The following ACSL3 variants were observed in gnomAD, a reference collection of about 807,000 sequenced individuals.
ACSL3 encodes acyl-CoA synthetase long chain family member 3, also known as fatty acid CoA ligase Acsl3.
Under a neutral mutation model 84.7 loss-of-function variants are expected in ACSL3, and 34 were observed. That is an observed-to-expected ratio of 0.40 (90% CI 0.31 to 0.53). ACSL3 has a LOEUF of 0.53. ACSL3 is among the 20% of genes least tolerant of loss of function. ACSL3 has a pLI of 0.48. For missense variants in ACSL3, 680 were observed against 873.1 expected (o/e 0.78, Z 2.79); for synonymous variants, 315 against 299.4 (o/e 1.05, Z -0.54).
intron 2 of ACSL3, among the ~76,000 whole-genome samples, chr2:222,899,168 GT>G (rs1486492726): frequency 3.3e-5 from 5 of 152,292 alleles, no homozygotes; most frequent in Admixed American, 3.3e-4. Context: ...GAGACTGATA[GT>G]TTAACCTTTG....
intron 16 of ACSL3, 44 bp downstream of exon 16, chr2:222,934,731 A>G: frequency 6.3e-7 from 1 of 1,587,370 alleles, no homozygotes; most frequent in African/African-American, 1.4e-5. Context: ...AGATGGGAAG[A>G]GAGTACTTAC....
chr2:222,868,969 CAA>C (rs113574316), intron 1 of ACSL3, among the ~76,000 whole-genome samples: 37 of 114,728 alleles, frequency 3.2e-4, no homozygotes, highest in Admixed American at 5.6e-4. Flanking sequence ...GACGCTGTCT[CAA>C]AAAAAAAAAA....
intron 11 of ACSL3, 85 bp from the exon 12 acceptor site, chr2:222,926,932 T>C: frequency 7.0e-7 from 1 of 1,426,732 alleles, no homozygotes; most frequent in Admixed American, 2.0e-5. Flanking sequence ...AAATCTCTCA[T>C]ATCAAAACTG....
At chr2:222,905,788 T>C (rs1296769651) in intron 3 of ACSL3, among the ~76,000 whole-genome samples, 1 of 152,130 alleles carries the variant, frequency 6.6e-6, no homozygotes, top group Admixed American at 6.5e-5. Context: ...CAGCTGTGCA[T>C]GAGCAAATTT....
chr2:222,918,003 T>C (rs1380977120), intron 5 of ACSL3, 43 bp from the exon 6 acceptor site: 5 of 1,374,402 alleles, frequency 3.6e-6, no homozygotes, highest in Non-Finnish European at 5.2e-6. Flanking sequence ...ACATTTGTAG[T>C]TAAATGTTTG....
At chr2:222,861,336 A>AGGGGCTCCCCAGCCTC (rs1472658352) in intron 1 of ACSL3, 78 bp downstream of exon 1, 7 of 151,562 alleles carry the variant, frequency 4.6e-5, no homozygotes, top group Non-Finnish European at 1.0e-4. Context: ...GCTGGGCCCG[A>AGGGGCTCCCCAGCCTC]GGGGCTCCCC....
At chr2:222,885,727 A>G (rs1695703342) in intron 1 of ACSL3, among the ~76,000 whole-genome samples, 1 of 152,052 alleles carries the variant, frequency 6.6e-6, no homozygotes, top group African/African-American at 2.4e-5. Flanking sequence ...TGAACCCAGT[A>G]GTATCTGAGT....
chr2:222,924,967 A>C (rs1559299755), intron 11 of ACSL3, among the ~76,000 whole-genome samples: 1 of 151,452 alleles, frequency 6.6e-6, no homozygotes, highest in Non-Finnish European at 1.5e-5. Context: ...CGGAGCTTGC[A>C]GTGAGCCAAG....
chr2:222,869,765 A>C (rs753895691), intron 1 of ACSL3, among the ~76,000 whole-genome samples: 1 of 152,142 alleles, frequency 6.6e-6, no homozygotes, highest in Non-Finnish European at 1.5e-5. Context: ...AAGATTGGCA[A>C]ATAAAACTGA....
At chr2:222,898,401 T>C (rs1696046844) in intron 2 of ACSL3, among the ~76,000 whole-genome samples, 1 of 152,208 alleles carries the variant, frequency 6.6e-6, no homozygotes, top group Admixed American at 6.5e-5. Context: ...CAAGCATTAG[T>C]GTACAAAAAC....
chr2:222,936,069 T>C (rs1328119680), intron 16 of ACSL3, among the ~76,000 whole-genome samples: 1 of 152,248 alleles, frequency 6.6e-6, no homozygotes, highest in Non-Finnish European at 1.5e-5. Flanking sequence ...TTATTCATAT[T>C]GTACCATGTG....
At chr2:222,906,241 C>T (rs924114927) in intron 3 of ACSL3, among the ~76,000 whole-genome samples, 8 of 152,178 alleles carry the variant, frequency 5.3e-5, no homozygotes, top group South Asian at 4.1e-4. Context: ...AGAGGGTACA[C>T]TTGGGCACGC....
intron 16 of ACSL3, among the ~76,000 whole-genome samples, chr2:222,937,265 G>T (rs1467833062): frequency 6.6e-6 from 1 of 151,846 alleles, no homozygotes; most frequent in African/African-American, 2.4e-5. Context: ...TTGATTTTTC[G>T]TGTTGATTTT....
intron 6 of ACSL3, 31 bp from the exon 7 acceptor site, chr2:222,919,033 A>T: frequency 3.7e-6 from 6 of 1,608,514 alleles, no homozygotes; most frequent in Non-Finnish European, 5.1e-6. Flanking sequence ...TTGAAAAATA[A>T]TGAACGTGAT....
At chr2:222,931,315 G>A (rs1361872098) in intron 14 of ACSL3, among the ~76,000 whole-genome samples, 2 of 151,722 alleles carry the variant, frequency 1.3e-5, no homozygotes, top group East Asian at 1.9e-4. Context: ...TTGGGAGGCC[G>A]AGGCAGGAGA....
chr2:222,870,580 G>GT (rs984084335), intron 1 of ACSL3, among the ~76,000 whole-genome samples: 76 of 152,338 alleles, frequency 5.0e-4, no homozygotes, highest in African/African-American at 1.8e-3. Flanking sequence ...GGAGGTTTGG[G>GT]TATCAGAGAA....
chr2:222,937,588 T>G (rs1370187074), intron 16 of ACSL3, among the ~76,000 whole-genome samples: 3 of 152,188 alleles, frequency 2.0e-5, no homozygotes, highest in African/African-American at 7.2e-5. Flanking sequence ...TGACAATTTT[T>G]GTCTTAAAGT....
chr2:222,883,724 C>T (rs941920073), intron 1 of ACSL3, among the ~76,000 whole-genome samples: 1 of 151,702 alleles, frequency 6.6e-6, no homozygotes, highest in African/African-American at 2.4e-5. Context: ...TCTGGAACTC[C>T]TTGTAATGGA....
At chr2:222,891,429 ATG>A (rs1272827590) in intron 2 of ACSL3, among the ~76,000 whole-genome samples, 1 of 152,348 alleles carries the variant, frequency 6.6e-6, no homozygotes, top group South Asian at 2.1e-4. Flanking sequence ...GCACATATGC[ATG>A]TGTGTATATG....
Sources: allele counts gnomAD v4.1 joint callset (sites outside exome capture counted in the v4.1 genomes callset), GRCh38; gene constraint gnomAD v4.1.1; transcripts MANE v1.5; gene names NCBI Gene and HGNC (gene_info 2026-07-23, HGNC 2026-07-21).